Variants in ZUP1 observed in about 807,000 individuals in gnomAD.
ZUP1 encodes the protein zinc finger containing ubiquitin peptidase 1, also known as zinc finger-containing ubiquitin peptidase 1.
Under a neutral mutation model 68.1 loss-of-function variants are expected in ZUP1, and 55 were observed. The observed-to-expected ratio is 0.81, with a 90% confidence interval of 0.65 to 1.01. The LOEUF (loss-of-function observed/expected upper bound fraction) is 1.01, where lower values mean the gene tolerates loss of function less well. Among genes scored for constraint, ZUP1 ranks in the 50% least tolerant of loss-of-function variants. The pLI, the probability that ZUP1 is intolerant of heterozygous loss-of-function variation, is 0.00. For missense variants in ZUP1, 684 were observed against 674.9 expected (o/e 1.01, Z -0.15); for synonymous variants, 223 against 221.5 (o/e 1.01, Z -0.06).
At chr6:116,641,687 G>A (rs1776105150) in intron 9 of ZUP1, among the ~76,000 whole-genome samples, 3 of 151,974 alleles carry the variant, frequency 2.0e-5, no homozygotes, top group Admixed American at 6.6e-5. Context: ...CACATTCAAA[G>A]CAGTGTGTAG....
chr6:116,662,972 T>C (rs1246150810), intron 2 of ZUP1, among the ~76,000 whole-genome samples: 5 of 152,232 alleles, frequency 3.3e-5, no homozygotes, highest in Non-Finnish European at 7.3e-5. Flanking sequence ...TCCTAGCCCC[T>C]ATACTATGAT....
At chr6:116,663,214 T>C (rs1776898293) in intron 2 of ZUP1, among the ~76,000 whole-genome samples, 1 of 152,174 alleles carries the variant, frequency 6.6e-6, no homozygotes, top group South Asian at 2.1e-4. Context: ...AAACCTCCTA[T>C]ATAGAATATA....
intron 5 of ZUP1, 140 bp downstream of exon 5, chr6:116,656,544 C>A (rs918583426): frequency 1.1e-5 from 7 of 643,544 alleles, no homozygotes; most frequent in African/African-American, 9.5e-5. Flanking sequence ...AAAAATAATT[C>A]AGAAGTTTTA....
chr6:116,666,145 A>G (rs1341342359), intron 2 of ZUP1, among the ~76,000 whole-genome samples: 1 of 152,226 alleles, frequency 6.6e-6, no homozygotes, highest in African/African-American at 2.4e-5. Context: ...AGTGACATAC[A>G]TATAACATTC....
chr6:116,648,208 C>CT (rs1776373958), intron 7 of ZUP1, among the ~76,000 whole-genome samples: 1 of 152,206 alleles, frequency 6.6e-6, no homozygotes, highest in East Asian at 1.9e-4. Flanking sequence ...ATTCTTCCTT[C>CT]AAGAGGAAGT....
chr6:116,654,783 G>C (rs1172674341), intron 5 of ZUP1, among the ~76,000 whole-genome samples: 1 of 151,984 alleles, frequency 6.6e-6, no homozygotes, highest in African/African-American at 2.4e-5. Context: ...TCGTTCAAGA[G>C]GAAACTAACT....
intron 9 of ZUP1, among the ~76,000 whole-genome samples, chr6:116,637,948 A>G (rs1775951403): frequency 6.6e-6 from 1 of 151,708 alleles, no homozygotes; most frequent in African/African-American, 2.4e-5. Context: ...TGTAATCCCA[A>G]CTACTTGGGA....
intron 5 of ZUP1, among the ~76,000 whole-genome samples, chr6:116,654,046 T>C (rs1487151710): frequency 1.3e-5 from 2 of 152,008 alleles, no homozygotes; most frequent in African/African-American, 4.8e-5. Context: ...AATTAACACT[T>C]GCATAATTAA....
In ZUP1 at chr6:116,661,369, T is replaced by C. The variant is rs150574312; in HGVS notation, c.560-523A>G. On this transcript the variant is annotated intron_variant, in intron 2 of 9. Coordinates refer to ENST00000368576, the MANE Select transcript of ZUP1 (RefSeq NM_145062.3). ...ACTCCAAAAAAAAAGGAAATATTAA[T>C]AATAAATATTCAGATCTGTAGTCAA... 9.5e-3 allele frequency among the ~76,000 whole-genome samples: 1,438 copies of C among 152,002 alleles called. 12 individuals are homozygous for C. The highest frequency in any genetic ancestry group is 0.021 in the South Asian group (99 of 4,814).
intron 9 of ZUP1, 129 bp downstream of exon 9, chr6:116,645,583 CAA>C (rs59393240): frequency 0.083 from 33,518 of 404,420 alleles, no homozygotes; most frequent in South Asian, 0.1. Flanking sequence ...ACCCTGTCTC[CAA>C]AAAAAAAAAA....
At chr6:116,658,294 T>C (rs1328588675) in intron 4 of ZUP1, among the ~76,000 whole-genome samples, 2 of 152,194 alleles carry the variant, frequency 1.3e-5, no homozygotes, top group African/African-American at 4.8e-5. Context: ...GCCTCAAATA[T>C]CATTTAAAAA....
chr6:116,661,330 A>AT (rs1304591239), intron 2 of ZUP1, among the ~76,000 whole-genome samples: 1 of 151,088 alleles, frequency 6.6e-6, no homozygotes, highest in East Asian at 1.9e-4. Flanking sequence ...AGCATAGCAC[A>AT]AACCTCTCAT....
In ZUP1 at chr6:116,656,845, T is replaced by C; in HGVS notation, c.800A>G (p.Tyr267Cys). 1 of 1,588,358 alleles carries C rather than the reference T, an allele frequency of 6.3e-7. No homozygotes were observed. Residue 267 changes from tyrosine to cysteine, a missense_variant, in exon 5 of 10, where the codon TAT (tyrosine) becomes TGT (cysteine). Transcript: ENST00000368576. The part of the protein sequence containing the change: ...IEEFQKLQRQ[Y>C]GLDNSGGYKQ... ...GTATCCTCCAGAATTATCTAAACCA[T>C]ATTGTCTCTATTGAACATAAAAATA...
At chr6:116,641,355 G>C (rs1776091025) in intron 9 of ZUP1, among the ~76,000 whole-genome samples, 1 of 152,130 alleles carries the variant, frequency 6.6e-6, no homozygotes, top group South Asian at 2.1e-4. Flanking sequence ...GACATCTACA[G>C]AACTCTCCAC....
chr6:116,651,284 G>A (rs1776481661), intron 7 of ZUP1, among the ~76,000 whole-genome samples: 1 of 152,038 alleles, frequency 6.6e-6, no homozygotes, highest in South Asian at 2.1e-4. Flanking sequence ...AGGATTGAAG[G>A]TAAACAGGTA....
chr6:116,654,241 T>C (rs888384391), intron 5 of ZUP1, among the ~76,000 whole-genome samples: 1 of 151,922 alleles, frequency 6.6e-6, no homozygotes, highest in African/African-American at 2.4e-5. Flanking sequence ...AGGCAGCCTT[T>C]AGAAACAGAA....
At position 116,656,700 on chromosome 6, in the gene ZUP1, T is replaced by G; in HGVS notation, c.945A>C (p.Gly315=). The G allele has an allele frequency of 6.2e-7, 1 of 1,610,540 alleles. No homozygotes were observed. The highest frequency in any genetic ancestry group is 8.5e-7 in the Non-Finnish European group (1 of 1,179,056). The change falls in exon 5 of 10, where the codon GGA becomes GGC. Residue 315 remains glycine, a synonymous_variant. Coordinates refer to ENST00000368576, the MANE Select transcript of ZUP1 (RefSeq NM_145062.3). ...AATACTCACCGGAAGTTTTTGTTTT[T>G]CCATCGTCAAAACCAAGAGCTAATG... is the stretch of plus-strand genomic sequence containing the variant. ...MESLALGFDD[G]KTKTSGIIEA... is the part of the protein sequence containing the mutation.
At chr6:116,640,871 C>G (rs1247507530) in intron 9 of ZUP1, among the ~76,000 whole-genome samples, 2 of 149,652 alleles carry the variant, frequency 1.3e-5, no homozygotes, top group Non-Finnish European at 3.0e-5. Context: ...ACTAAATGCT[C>G]CAATTAAAAG....
At chr6:116,661,709 T>C (rs889393727) in intron 2 of ZUP1, among the ~76,000 whole-genome samples, 4 of 152,146 alleles carry the variant, frequency 2.6e-5, no homozygotes, top group Non-Finnish European at 4.4e-5. Context: ...AGTGAAAGCA[T>C]AGAGCAATCT....
Sources: allele counts gnomAD v4.1 joint callset (sites outside exome capture counted in the v4.1 genomes callset), GRCh38; gene constraint gnomAD v4.1.1; transcripts MANE v1.5; gene names NCBI Gene and HGNC (gene_info 2026-07-23, HGNC 2026-07-21).